The following PCDHA10 variants were observed in gnomAD, a reference collection of about 807,000 sequenced individuals.
The protein encoded by PCDHA10 is protocadherin alpha-10.
In PCDHA10, 45 loss-of-function variants were observed where a neutral mutation model predicts 61.2. The ratio of observed to expected loss-of-function variants is 0.74; its 90% CI spans 0.58 to 0.94. The LOEUF is 0.94. Among genes scored for constraint, PCDHA10 ranks in the 40% least tolerant of loss-of-function variants. PCDHA10 has a pLI of 0.00. For missense variants in PCDHA10, 1,278 were observed against 1,236.2 expected, an observed-to-expected ratio of 1.03 and a Z score of -0.51; for synonymous variants, 602 against 548.8, an observed-to-expected ratio of 1.10 and a Z score of -1.35.
chr5:141,001,269 C>A (rs536985121), intron 3 of PCDHA10, among the ~76,000 whole-genome samples: 2 of 152,152 alleles, frequency 1.3e-5, no homozygotes, highest in East Asian at 3.9e-4. Context: ...CTCTTATGAA[C>A]TTTTTTTACG....
rs2153592349 is a variant in PCDHA10 at position 140,927,874 on chromosome 5, G to A, written c.2389-51075G>A. 1.9e-6 allele frequency: 3 copies of A among 1,614,102 alleles called. No individual in the cohort carries two copies. The East Asian group carries it at 6.7e-5, about 36-fold the overall frequency. Reference sequence around the variant, plus strand: ...TTTAGCTAGCACCGCTAAACTGCTGGTGGAGGTGACTGACGTGAACGATCA... The same window carrying A: ...TTTAGCTAGCACCGCTAAACTGCTGATGGAGGTGACTGACGTGAACGATCA... On this transcript the variant is annotated intron_variant, in intron 1 of 3. Coordinates refer to ENST00000307360, the MANE Select transcript of PCDHA10 (RefSeq NM_018901.4).
At chr5:141,007,019 A>G (rs1230035062) in intron 3 of PCDHA10, among the ~76,000 whole-genome samples, 1 of 152,192 alleles carries the variant, frequency 6.6e-6, no homozygotes, top group African/African-American at 2.4e-5. Flanking sequence ...CAGCTTATTC[A>G]TATGGTATTT....
intron 1 of PCDHA10, among the ~76,000 whole-genome samples, chr5:140,892,996 G>A (rs1014134688): frequency 2.0e-5 from 3 of 152,162 alleles, no homozygotes; most frequent in Admixed American, 1.3e-4. Flanking sequence ...GTGAGAACAT[G>A]TATTTATTTT....
intron 1 of PCDHA10, among the ~76,000 whole-genome samples, chr5:140,918,454 C>A (rs1168986520): frequency 6.6e-6 from 1 of 152,158 alleles, no homozygotes; most frequent in Non-Finnish European, 1.5e-5. Context: ...CAGTGGGCAT[C>A]CTTGTCTTAT....
chr5:140,980,427 C>T (rs551274468), intron 2 of PCDHA10, among the ~76,000 whole-genome samples: 2 of 152,198 alleles, frequency 1.3e-5, no homozygotes, highest in South Asian at 2.1e-4. Flanking sequence ...GTCAAGAGAT[C>T]GAGACCATCC....
At chr5:140,881,953 T>G in intron 1 of PCDHA10, 1 of 335,146 alleles carries the variant, frequency 3.0e-6, no homozygotes, top group Non-Finnish European at 5.4e-6. Context: ...AAGGTAAACA[T>G]TTAATCTTCA....
At chr5:140,975,847 C>T (rs895067113) in intron 1 of PCDHA10, among the ~76,000 whole-genome samples, 1 of 152,100 alleles carries the variant, frequency 6.6e-6, no homozygotes, top group East Asian at 1.9e-4. Flanking sequence ...TTCAGTAATA[C>T]TACATCACCC....
chr5:140,928,288 C>G, intron 1 of PCDHA10: 2 of 1,614,156 alleles, frequency 1.2e-6, no homozygotes, highest in Non-Finnish European at 1.7e-6. Flanking sequence ...CTCTCTAGGC[C>G]GAGTGTTTGC....
intron 1 of PCDHA10, among the ~76,000 whole-genome samples, chr5:140,909,116 T>C (rs1273091505): frequency 6.6e-6 from 1 of 152,182 alleles, no homozygotes; most frequent in African/African-American, 2.4e-5. Context: ...ATCAGCAAAA[T>C]GTCATCAAGG....
At chr5:140,877,862 A>T (rs1554170193) in intron 1 of PCDHA10, 1 of 1,505,068 alleles carries the variant, frequency 6.6e-7, no homozygotes, top group East Asian at 2.4e-5. Flanking sequence ...TATTATTTAG[A>T]TATATTTGTT....
At chr5:140,871,003 C>G (rs782654281) in intron 1 of PCDHA10, 3 of 1,613,416 alleles carry the variant, frequency 1.9e-6, no homozygotes, top group Non-Finnish European at 2.5e-6. Flanking sequence ...AAGCACAACG[C>G]GTGCCCTGGA....
At chr5:140,882,644 A>T in intron 1 of PCDHA10, 1 of 1,614,256 alleles carries the variant, frequency 6.2e-7, no homozygotes. Flanking sequence ...GGTGAGGGAC[A>T]TTAACGACAA....
rs570631397 is a variant in PCDHA10, at chr5:140,879,658, A to G, written c.2388+21222A>G. Among the ~76,000 whole-genome samples the G allele has an allele frequency of 1.1e-4, 16 of 152,350 alleles. No homozygotes were observed. The South Asian group carries it at 3.1e-3, about 30-fold the overall frequency. ...TCGCTTCCTGTGGCTGCTATAACAA[A>G]CGAACACAAACTGGGTGCTGTAAAA... On this transcript the variant is annotated intron_variant, in intron 1 of 3. Transcript: ENST00000307360.
chr5:140,887,391 C>T lies in PCDHA10; in HGVS notation c.2388+28955C>T, dbSNP rs181873563. ...GATTACAGGTGTGAGCCACCGCGCC[C>T]GGCTCTTTATCTCATTTTTATTTTT... On this transcript the variant is annotated intron_variant, in intron 1 of 3. Coordinates refer to ENST00000307360, the MANE Select transcript of PCDHA10 (RefSeq NM_018901.4). Among the ~76,000 whole-genome samples, 23 of 152,222 alleles carry T rather than the reference C, an allele frequency of 1.5e-4. 1 individual carries two copies. Among genetic ancestry groups the T allele is most frequent in the African/African-American group, 4.8e-4 (20 of 41,540 alleles).
At chr5:140,978,711 C>G (rs1306070484) in intron 1 of PCDHA10, among the ~76,000 whole-genome samples, 2 of 152,238 alleles carry the variant, frequency 1.3e-5, no homozygotes, top group Non-Finnish European at 2.9e-5. Flanking sequence ...GTGGCCTTTA[C>G]AAGATTATTA....
At position 140,974,721 on chromosome 5, in the gene PCDHA10, G is replaced by A. The variant is rs1033117636; in HGVS notation, c.2389-4228G>A. 3.9e-5 allele frequency among the ~76,000 whole-genome samples: 6 copies of A among 152,050 alleles called. No homozygotes were observed. In the East Asian group the frequency reaches 1.2e-3, roughly 29 times the overall value. On this transcript the variant is annotated intron_variant, in intron 1 of 3. Transcript: ENST00000307360. ...TCACCATGTTGTTCAAGCTGCTCTCGAACTCCTGTCTCCACCTTGGCCTCC... is the reference window on the plus strand; with the variant it reads ...TCACCATGTTGTTCAAGCTGCTCTCAAACTCCTGTCTCCACCTTGGCCTCC...
At chr5:140,943,718 C>G (rs2093552773) in intron 1 of PCDHA10, among the ~76,000 whole-genome samples, 1 of 152,020 alleles carries the variant, frequency 6.6e-6, no homozygotes, top group South Asian at 2.1e-4. Flanking sequence ...ATTTAAAGGT[C>G]TGAGAGAATG....
chr5:140,919,307 T>C (rs567605906), intron 1 of PCDHA10, among the ~76,000 whole-genome samples: 2 of 152,348 alleles, frequency 1.3e-5, no homozygotes, highest in East Asian at 1.9e-4. Context: ...GTACAATATA[T>C]GTTTTCCCAT....
chr5:140,865,528 T>C (rs2048902393), intron 1 of PCDHA10: 1 of 152,220 alleles, frequency 6.6e-6, no homozygotes, highest in Non-Finnish European at 1.5e-5. Context: ...GGAATTCTCT[T>C]CATCCATAGC....
Sources: allele counts gnomAD v4.1 joint callset (sites outside exome capture counted in the v4.1 genomes callset), GRCh38; gene constraint gnomAD v4.1.1; transcripts MANE v1.5; gene names NCBI Gene and HGNC (gene_info 2026-07-23, HGNC 2026-07-21).